ARHGAP12: variants seen among roughly 807,000 people sequenced by gnomAD.
ARHGAP12 encodes the protein Rho GTPase activating protein 12.
A neutral mutation model predicts 108.6 loss-of-function variants in ARHGAP12; 64 were observed. The observed-to-expected ratio is 0.59, with a 90% CI of 0.48 to 0.73. ARHGAP12 has a LOEUF of 0.73. Ranked by LOEUF, ARHGAP12 falls within the 30% of genes least tolerant of loss-of-function variation. The pLI is 0.00. For synonymous variants in ARHGAP12, 312 were observed against 337.2 expected, an observed-to-expected ratio of 0.93 and a Z score of 0.82; for missense variants, 940 against 1,005.9, an observed-to-expected ratio of 0.93 and a Z score of 0.89.
At chr10:31,810,619 TAA>T (rs3840745) in intron 16 of ARHGAP12, 28 bp downstream of exon 16, 42,966 of 1,306,298 alleles carry the variant, frequency 0.033, 747 homozygotes, top group Non-Finnish European at 0.039. Context: ...TGCTTAATGT[TAA>T]AAAAAAAAAT....
intron 13 of ARHGAP12, 79 bp from the exon 14 acceptor site, chr10:31,814,440 C>A: frequency 8.5e-7 from 1 of 1,170,136 alleles, no homozygotes; most frequent in Non-Finnish European, 1.3e-6. Context: ...CTCACAATGA[C>A]TATTGTAAAT....
intron 4 of ARHGAP12, among the ~76,000 whole-genome samples, chr10:31,856,341 C>T (rs1396133671): frequency 6.6e-6 from 1 of 152,018 alleles, no homozygotes; most frequent in Non-Finnish European, 1.5e-5. Context: ...TTCAAGACCA[C>T]GCAGGAGTGT....
chr10:31,920,526 C>T (rs930137538), intron 1 of ARHGAP12, among the ~76,000 whole-genome samples: 5 of 150,962 alleles, frequency 3.3e-5, no homozygotes, highest in Admixed American at 2.0e-4. Context: ...ATTACCAATC[C>T]CTCAGCACAT....
intron 6 of ARHGAP12, among the ~76,000 whole-genome samples, chr10:31,848,578 C>T (rs1836551346): frequency 6.6e-6 from 1 of 152,090 alleles, no homozygotes; most frequent in Non-Finnish European, 1.5e-5. Context: ...AGCTTTCTGT[C>T]CCTGTCTAAA....
chr10:31,862,682 T>C (rs928481893), intron 3 of ARHGAP12, among the ~76,000 whole-genome samples: 21 of 148,888 alleles, frequency 1.4e-4, no homozygotes, highest in Non-Finnish European at 2.7e-4. Flanking sequence ...AACCACCAGA[T>C]GACAGTGGCG....
At chr10:31,811,517 A>G (rs975857234) in intron 15 of ARHGAP12, among the ~76,000 whole-genome samples, 1 of 149,154 alleles carries the variant, frequency 6.7e-6, no homozygotes, top group Non-Finnish European at 1.5e-5. Context: ...AATTAGCAAC[A>G]GTTTCTATTC....
At position 31,817,873 on chromosome 10, in the gene ARHGAP12, T is replaced by G. The variant is rs757226535; in HGVS notation, c.1646A>C (p.Gln549Pro). Reference protein sequence around the residue: ...KKNVFELKTRQGTELLIQSDN... With the variant: ...KKNVFELKTRPGTELLIQSDN... ...AGACTGAATTAGCAGTTCTGTTCCT[T>G]GACGAGTTTTCAGCTTTAGAGAAAA... is the stretch of plus-strand genomic sequence containing the variant. The change falls in exon 13 of 20, where the codon CAA becomes CCA. Residue 549 changes from glutamine (Q) to proline (P), a missense_variant. By Grantham distance (76) the Gln-to-Pro change is moderately conservative. Transcript: ENST00000344936. The G allele has an allele frequency of 5.0e-6, 8 of 1,611,164 alleles. No homozygotes were observed. In the East Asian group the frequency reaches 1.8e-4, roughly 36 times the overall value.
intron 11 of ARHGAP12, among the ~76,000 whole-genome samples, chr10:31,823,317 G>A (rs1308057155): frequency 2.0e-5 from 3 of 152,060 alleles, no homozygotes; most frequent in Non-Finnish European, 4.4e-5. Flanking sequence ...GTGGATAACC[G>A]TTTTCCAGAA....
intron 1 of ARHGAP12, among the ~76,000 whole-genome samples, chr10:31,926,430 G>A (rs1840050848): frequency 6.6e-6 from 1 of 151,862 alleles, no homozygotes; most frequent in African/African-American, 2.4e-5. Flanking sequence ...ATGCTATGTC[G>A]TACTACGACA....
At chr10:31,849,617 T>C (rs1309062188) in intron 6 of ARHGAP12, among the ~76,000 whole-genome samples, 1 of 152,226 alleles carries the variant, frequency 6.6e-6, no homozygotes, top group Admixed American at 6.5e-5. Flanking sequence ...ATAGTGACTC[T>C]ACAGCACTTT....
At chr10:31,825,614 C>T (rs1011032123) in intron 11 of ARHGAP12, among the ~76,000 whole-genome samples, 7 of 152,016 alleles carry the variant, frequency 4.6e-5, no homozygotes, top group African/African-American at 1.4e-4. Context: ...GGGGGAAGGG[C>T]GAAATCAGAG....
intron 3 of ARHGAP12, among the ~76,000 whole-genome samples, chr10:31,904,250 C>T (rs1032528496): frequency 6.6e-6 from 1 of 152,166 alleles, no homozygotes; most frequent in East Asian, 1.9e-4. Context: ...AACTATGGTA[C>T]ATCCATACCA....
chr10:31,889,629 T>TG (rs1838335984), intron 3 of ARHGAP12, among the ~76,000 whole-genome samples: 1 of 136,150 alleles, frequency 7.3e-6, no homozygotes, highest in African/African-American at 3.0e-5. Flanking sequence ...GTTTTTTTTT[T>TG]TTTTTTTTTT....
intron 1 of ARHGAP12, among the ~76,000 whole-genome samples, chr10:31,925,755 T>C (rs1228818333): frequency 1.3e-5 from 2 of 152,240 alleles, no homozygotes; most frequent in African/African-American, 4.8e-5. Context: ...TCTACACTTT[T>C]AGACTCCAAA....
At chr10:31,916,269 C>T (rs912268735) in intron 1 of ARHGAP12, among the ~76,000 whole-genome samples, 2 of 152,144 alleles carry the variant, frequency 1.3e-5, no homozygotes, top group African/African-American at 2.4e-5. Flanking sequence ...GTCTCAAAAA[C>T]GCCCATACAA....
chr10:31,808,770 C>A lies in ARHGAP12; in HGVS notation c.2264-19G>T. On this transcript the variant is annotated intron_variant, in intron 18 of 19. Transcript: ENST00000344936. ...TCTTGCTCTGAAAAAAGATAATAAC[C>A]AGATATTTTACAGCAAATTCTTATG... is the stretch of plus-strand genomic sequence containing the variant. The A allele has an allele frequency of 6.2e-7, 1 of 1,610,138 alleles. No homozygotes were observed. The highest frequency in any genetic ancestry group is 8.5e-7 in the Non-Finnish European group (1 of 1,177,316).
chr10:31,906,222 T>C (rs34648857), intron 3 of ARHGAP12, among the ~76,000 whole-genome samples: 1 of 152,154 alleles, frequency 6.6e-6, no homozygotes, highest in Non-Finnish European at 1.5e-5. Flanking sequence ...ATCCCTAGCC[T>C]TCGGAATCAC....
intron 7 of ARHGAP12, among the ~76,000 whole-genome samples, chr10:31,842,603 T>C (rs1312747305): frequency 6.6e-6 from 1 of 152,108 alleles, no homozygotes; most frequent in Non-Finnish European, 1.5e-5. Flanking sequence ...ATGCTTGTTA[T>C]GACTGATAAA....
intron 4 of ARHGAP12, among the ~76,000 whole-genome samples, chr10:31,856,652 C>G (rs763011754): frequency 6.6e-6 from 1 of 152,064 alleles, no homozygotes; most frequent in African/African-American, 2.4e-5. Context: ...TCTAGGCATC[C>G]GTCAGAAGAG....
Sources: gnomAD v4.1 joint callset for allele counts (sites outside exome capture counted in the v4.1 genomes callset) on GRCh38, gnomAD v4.1.1 for gene constraint, MANE v1.5 for transcripts, NCBI Gene and HGNC (gene_info 2026-07-23, HGNC 2026-07-21) for gene names.